LIN28B: variants seen among roughly 807,000 people sequenced by gnomAD.
The protein encoded by LIN28B is lin-28 RNA binding posttranscriptional regulator B.
A neutral mutation model predicts 21.9 loss-of-function variants in LIN28B; 5 were observed. The ratio of observed to expected loss-of-function variants is 0.23; its 90% CI spans 0.12 to 0.48. The LOEUF is 0.48. Among genes scored for constraint, LIN28B ranks in the 20% least tolerant of loss-of-function variants. The pLI is 0.98. For missense variants in LIN28B, 245 were observed against 310.5 expected, an observed-to-expected ratio of 0.79 and a Z score of 1.58; for synonymous variants, 109 against 111.3, an observed-to-expected ratio of 0.98 and a Z score of 0.13.
At chr6:105,001,210 T>C (rs988152986) in intron 2 of LIN28B, among the ~76,000 whole-genome samples, 2 of 152,242 alleles carry the variant, frequency 1.3e-5, no homozygotes, top group East Asian at 3.8e-4. Context: ...TTACTATGTA[T>C]ATTTTTAAGC....
intron 2 of LIN28B, among the ~76,000 whole-genome samples, chr6:104,998,999 A>G (rs372364100): frequency 8.3e-4 from 126 of 152,330 alleles, no homozygotes; most frequent in African/African-American, 2.8e-3. Context: ...TCCTTGCAGT[A>G]TATAGAACTT....
At chr6:104,975,947 G>A (rs1207868335) in intron 2 of LIN28B, among the ~76,000 whole-genome samples, 1 of 150,738 alleles carries the variant, frequency 6.6e-6, no homozygotes, top group Non-Finnish European at 1.5e-5. Flanking sequence ...CTCCCAAAGT[G>A]CTGAGATTAC....
chr6:104,958,458 G>C (rs1310154570), intron 2 of LIN28B, among the ~76,000 whole-genome samples, 172 bp downstream of exon 2: 2 of 152,010 alleles, frequency 1.3e-5, no homozygotes, highest in Non-Finnish European at 2.9e-5. Context: ...GCCTTTTCCT[G>C]GGTTTTCTGT....
At chr6:104,945,421 A>G (rs956611204) in intron 2 of LIN28B, among the ~76,000 whole-genome samples, 1 of 152,108 alleles carries the variant, frequency 6.6e-6, no homozygotes, top group African/African-American at 2.4e-5. Context: ...ATAATGTTGT[A>G]TATTAAAACT....
At chr6:104,945,028 A>G (rs1778140695) in intron 2 of LIN28B, among the ~76,000 whole-genome samples, 1 of 152,174 alleles carries the variant, frequency 6.6e-6, no homozygotes, top group Non-Finnish European at 1.5e-5. Flanking sequence ...GAAAGGCAAG[A>G]GCCGAAATGC....
At chr6:105,026,177 C>T (rs1336973934) in intron 2 of LIN28B, 121 bp from the exon 3 acceptor site, 4 of 526,146 alleles carry the variant, frequency 7.6e-6, no homozygotes, top group Non-Finnish European at 1.3e-5. Flanking sequence ...GAACTTAAGA[C>T]TTTATACTTT....
At chr6:104,940,110 T>G (rs1256806842) in intron 2 of LIN28B, 2 of 166,012 alleles carry the variant, frequency 1.2e-5, no homozygotes, top group African/African-American at 4.8e-5. Flanking sequence ...CAGCTGACAG[T>G]AGGTTCCCCA....
chr6:105,053,829 T>G (rs1771966792), intron 3 of LIN28B, among the ~76,000 whole-genome samples: 1 of 151,674 alleles, frequency 6.6e-6, no homozygotes, highest in African/African-American at 2.4e-5. Flanking sequence ...GCCTCCCGGG[T>G]TCAAGTAATT....
At chr6:104,997,275 C>T (rs545181981) in intron 2 of LIN28B, among the ~76,000 whole-genome samples, 46 of 138,026 alleles carry the variant, frequency 3.3e-4, no homozygotes, top group African/African-American at 1.0e-3. Flanking sequence ...AACGAGACTC[C>T]GTCTCAAAAA....
chr6:105,078,890 A>G lies in LIN28B; in HGVS notation c.*107A>G, dbSNP rs1772485507. On this transcript the variant is annotated 3_prime_UTR_variant, in exon 4 of 4. Coordinates refer to ENST00000345080, the MANE Select transcript of LIN28B (RefSeq NM_001004317.4). ...CAGTAGCTGACCTGGGATTTTAACTACTATTGGGGAACTGTGAATTTTTTA... is the reference window on the plus strand; with the variant it reads ...CAGTAGCTGACCTGGGATTTTAACTGCTATTGGGGAACTGTGAATTTTTTA... 5 of 1,297,734 alleles carry G rather than the reference A, an allele frequency of 3.9e-6. No homozygotes were observed. The highest frequency in any genetic ancestry group is 4.2e-6 in the Non-Finnish European group (4 of 946,618). The allele number at this position is 1,297,734 out of a possible 1,614,324, so 80.4% of individuals were successfully genotyped here. A position where few individuals can be genotyped will look rare whatever the true frequency, so the allele number is the denominator to read the frequency against.
At chr6:105,013,943 C>G (rs2048861163) in intron 2 of LIN28B, among the ~76,000 whole-genome samples, 1 of 151,872 alleles carries the variant, frequency 6.6e-6, no homozygotes, top group South Asian at 2.1e-4. Flanking sequence ...AATTTGTGTT[C>G]TTTATTTTTC....
chr6:105,020,747 C>CTTTTTTTTTT (rs1176851045), intron 2 of LIN28B, among the ~76,000 whole-genome samples: 1 of 85,386 alleles, frequency 1.2e-5, no homozygotes, highest in African/African-American at 5.5e-5. Flanking sequence ...TCATTCCACT[C>CTTTTTTTTTT]TTTTTTTTTT....
At chr6:104,991,615 GC>G (rs1210420270) in intron 2 of LIN28B, among the ~76,000 whole-genome samples, 1 of 152,046 alleles carries the variant, frequency 6.6e-6, no homozygotes, top group Non-Finnish European at 1.5e-5. Flanking sequence ...TGGGGTGGTG[GC>G]CGGGCAGAGG....
intron 2 of LIN28B, among the ~76,000 whole-genome samples, chr6:104,946,131 T>G (rs1457950791): frequency 1.3e-5 from 2 of 152,006 alleles, no homozygotes; most frequent in Non-Finnish European, 2.9e-5. Context: ...CTTTGAGATT[T>G]TTTCCTAATA....
chr6:104,998,863 A>T (rs1246753541), intron 2 of LIN28B, among the ~76,000 whole-genome samples: 1 of 152,152 alleles, frequency 6.6e-6, no homozygotes, highest in Non-Finnish European at 1.5e-5. Flanking sequence ...ATGACTAAGG[A>T]TCTTTGTCAT....
At chr6:105,063,414 T>A (rs1772160424) in intron 3 of LIN28B, among the ~76,000 whole-genome samples, 1 of 152,160 alleles carries the variant, frequency 6.6e-6, no homozygotes, top group Admixed American at 6.5e-5. Flanking sequence ...GAAGGGCGGA[T>A]CACTTGAGGT....
chr6:105,067,245 A>T (rs1772236275), intron 3 of LIN28B, among the ~76,000 whole-genome samples: 1 of 152,216 alleles, frequency 6.6e-6, no homozygotes. Context: ...CTAACTTTTT[A>T]AAACACTTTA....
chr6:104,992,514 G>GTGT (rs1221284024), intron 2 of LIN28B, among the ~76,000 whole-genome samples: 3 of 139,602 alleles, frequency 2.1e-5, no homozygotes, highest in African/African-American at 8.5e-5. Flanking sequence ...GTGTGTGTGT[G>GTGT]TTTTTTTTTT....
At chr6:105,007,624 A>C (rs1381195869) in intron 2 of LIN28B, among the ~76,000 whole-genome samples, 1 of 150,974 alleles carries the variant, frequency 6.6e-6, no homozygotes, top group African/African-American at 2.4e-5. Flanking sequence ...TCCTGGGCTG[A>C]AGAGATCCTC....
Sources: gnomAD v4.1 joint callset for allele counts (sites outside exome capture counted in the v4.1 genomes callset) on GRCh38, gnomAD v4.1.1 for gene constraint, MANE v1.5 for transcripts, NCBI Gene and HGNC (gene_info 2026-07-23, HGNC 2026-07-21) for gene names.